GLI3: variants seen among roughly 807,000 people sequenced by gnomAD.
GLI3 encodes the protein GLI family zinc finger 3.
GLI3 carries 20 observed loss-of-function variants against 100.8 expected under a neutral mutation model. That is an observed-to-expected ratio of 0.20 (90% CI 0.14 to 0.29). The LOEUF is 0.29. GLI3 is among the 10% of genes least tolerant of loss of function. The pLI, the probability that GLI3 is intolerant of heterozygous loss-of-function variation, is 1.00. For missense variants in GLI3, 2,040 were observed against 2,128.5 expected, an observed-to-expected ratio of 0.96 and a Z score of 0.82; for synonymous variants, 938 against 860.5, an observed-to-expected ratio of 1.09 and a Z score of -1.58.
intron 4 of GLI3, among the ~76,000 whole-genome samples, chr7:42,063,169 T>C (rs1784605807): frequency 6.6e-6 from 1 of 152,206 alleles, no homozygotes; most frequent in Admixed American, 6.5e-5. Flanking sequence ...AAACATTCTC[T>C]TTACATTTTT....
intron 10 of GLI3, among the ~76,000 whole-genome samples, chr7:42,019,757 T>C (rs1027075744): frequency 6.6e-6 from 1 of 152,216 alleles, no homozygotes; most frequent in Non-Finnish European, 1.5e-5. Flanking sequence ...GAGAAAATAC[T>C]TGCATCTTGG....
intron 3 of GLI3, among the ~76,000 whole-genome samples, chr7:42,081,631 C>A (rs1280287227): frequency 6.6e-6 from 1 of 152,134 alleles, no homozygotes; most frequent in East Asian, 1.9e-4. Flanking sequence ...CAGAGAATAA[C>A]CGAGAAAGAC....
chr7:42,139,792 G>A (rs551881200), intron 3 of GLI3, among the ~76,000 whole-genome samples: 92 of 152,350 alleles, frequency 6.0e-4, no homozygotes, highest in African/African-American at 2.1e-3. Flanking sequence ...TGTGACCTGC[G>A]ATGGAGTCGC....
At chr7:42,233,632 A>G (rs930639771) in intron 1 of GLI3, among the ~76,000 whole-genome samples, 3 of 152,236 alleles carry the variant, frequency 2.0e-5, no homozygotes, top group Non-Finnish European at 2.9e-5. Flanking sequence ...CTACAGCTCT[A>G]TTTCACAGGC....
At chr7:42,059,686 C>T (rs1272936071) in intron 4 of GLI3, among the ~76,000 whole-genome samples, 2 of 152,216 alleles carry the variant, frequency 1.3e-5, no homozygotes, top group East Asian at 3.9e-4. Flanking sequence ...CGATGGAGAG[C>T]TGCTCTCATT....
intron 3 of GLI3, among the ~76,000 whole-genome samples, chr7:42,137,242 C>G (rs1181247544): frequency 2.0e-5 from 3 of 152,232 alleles, no homozygotes; most frequent in Admixed American, 2.0e-4. Flanking sequence ...GCCACTGCAA[C>G]AGCAGCCTGC....
At chr7:42,230,947 T>G (rs1788685009) in intron 1 of GLI3, among the ~76,000 whole-genome samples, 1 of 152,238 alleles carries the variant, frequency 6.6e-6, no homozygotes, top group South Asian at 2.1e-4. Context: ...TGTATTCCTC[T>G]TAAATCCACA....
chr7:42,029,310 A>G (rs1789216017), intron 7 of GLI3, among the ~76,000 whole-genome samples: 1 of 152,226 alleles, frequency 6.6e-6, no homozygotes, highest in African/African-American at 2.4e-5. Flanking sequence ...GCTCTGACAC[A>G]GTATCACTTA....
At chr7:42,019,832 T>C (rs532336075) in intron 10 of GLI3, among the ~76,000 whole-genome samples, 2 of 152,308 alleles carry the variant, frequency 1.3e-5, no homozygotes, top group East Asian at 3.9e-4. Context: ...ATACTCCTCT[T>C]GCTTTTTTGT....
At chr7:42,205,417 A>G (rs1341996996) in intron 2 of GLI3, among the ~76,000 whole-genome samples, 1 of 152,158 alleles carries the variant, frequency 6.6e-6, no homozygotes, top group Non-Finnish European at 1.5e-5. Flanking sequence ...ACAAACAAAT[A>G]ACAAACAGCC....
intron 1 of GLI3, among the ~76,000 whole-genome samples, chr7:42,262,363 G>C (rs4720419): frequency 2.3e-4 from 35 of 151,510 alleles, no homozygotes; most frequent in African/African-American, 8.5e-4. Flanking sequence ...AGGCTCAAGC[G>C]GTCCTCCCAC....
chr7:42,043,669 A>G (rs1387178486), intron 6 of GLI3, among the ~76,000 whole-genome samples: 1 of 152,240 alleles, frequency 6.6e-6, no homozygotes, highest in Non-Finnish European at 1.5e-5. Context: ...TCAATTTACC[A>G]TATACTCAGG....
At chr7:42,042,179 A>C (rs1562699608) in intron 6 of GLI3, among the ~76,000 whole-genome samples, 1 of 151,276 alleles carries the variant, frequency 6.6e-6, no homozygotes, top group Non-Finnish European at 1.5e-5. Context: ...CGCCCGGATA[A>C]TTTTTTTTTA....
chr7:42,018,081 G>A (rs577785064), intron 10 of GLI3, among the ~76,000 whole-genome samples: 201 of 152,286 alleles, frequency 1.3e-3, no homozygotes, highest in African/African-American at 4.6e-3. Context: ...GGCTCTGGCC[G>A]GTGGACCACA....
chr7:42,205,825 A>G (rs1788139053), intron 2 of GLI3, among the ~76,000 whole-genome samples: 1 of 152,234 alleles, frequency 6.6e-6, no homozygotes, highest in Non-Finnish European at 1.5e-5. Flanking sequence ...TGTAAACACC[A>G]AAGCAAGTGT....
Position 41,966,394 on chromosome 7 carries a change from G to A in GLI3, c.2679C>T (p.Asp893=). 1 of 1,610,658 alleles carries A rather than the reference G, an allele frequency of 6.2e-7. No homozygotes were observed. Among genetic ancestry groups the A allele is most frequent in the African/African-American group, 1.3e-5 (1 of 75,042 alleles). The part of the protein sequence containing the change: ...EGRPQNVSVA[D]SYDPISTDAS... ...CGTCGGTGGAGATGGGGTCGTAGGA[G>A]TCGGCCACGCTCACGTTCTGCGGCC... Residue 893 remains aspartate (D), a synonymous_variant, in exon 15 of 15, where the codon GAC becomes GAT. Transcript: ENST00000395925. The surrounding 1 kb of genome is among the most constrained non-coding windows in gnomAD (Gnocchi z 5.8).
At chr7:42,256,535 G>A (rs1370657001) in intron 1 of GLI3, among the ~76,000 whole-genome samples, 2 of 152,166 alleles carry the variant, frequency 1.3e-5, no homozygotes, top group African/African-American at 4.8e-5. Flanking sequence ...TCGTTGAAAA[G>A]ACTATCCTTT....
chr7:42,230,089 A>G (rs1788665249), intron 1 of GLI3, among the ~76,000 whole-genome samples: 1 of 4,230 alleles, frequency 2.4e-4, no homozygotes, highest in African/African-American at 9.7e-4. Context: ...TTTTTCTGCA[A>G]GGGTTGGGCG....
intron 10 of GLI3, among the ~76,000 whole-genome samples, chr7:41,979,810 A>G (rs918409266): frequency 2.6e-5 from 4 of 152,190 alleles, no homozygotes; most frequent in African/African-American, 9.7e-5. Flanking sequence ...AACTTCGTTC[A>G]ATAAGAGAAA....
Sources: allele counts gnomAD v4.1 joint callset (sites outside exome capture counted in the v4.1 genomes callset), GRCh38; gene constraint gnomAD v4.1.1; non-coding constraint Gnocchi (gnomAD v3.1); transcripts MANE v1.5; gene names NCBI Gene and HGNC (gene_info 2026-07-23, HGNC 2026-07-21).